Variants in TNFRSF1B observed in about 807,000 individuals in gnomAD.
The protein encoded by TNFRSF1B is TNF receptor superfamily member 1B.
In TNFRSF1B, 19 loss-of-function variants were observed where a neutral mutation model predicts 44.6. That is an observed-to-expected ratio of 0.43 (90% confidence interval 0.30 to 0.62). TNFRSF1B has a LOEUF of 0.62. Ranked by LOEUF, TNFRSF1B falls within the 20% of genes least tolerant of loss-of-function variation. TNFRSF1B has a pLI of 0.16. For synonymous variants in TNFRSF1B, 252 were observed against 261.1 expected (o/e 0.97, Z 0.34); for missense variants, 541 against 619.9 (o/e 0.87, Z 1.35).
At chr1:12,179,090 T>C (rs1243810266) in intron 1 of TNFRSF1B, among the ~76,000 whole-genome samples, 1 of 152,072 alleles carries the variant, frequency 6.6e-6, no homozygotes, top group Non-Finnish European at 1.5e-5. Context: ...GCAGGGACCA[T>C]GCCCGGCGTC....
In TNFRSF1B at chr1:12,180,302, TC is replaced by T. The variant is rs1386888389; in HGVS notation, c.79-8490del. 6.6e-6 allele frequency among the ~76,000 whole-genome samples: 1 copy of T among 151,978 alleles called. No individual in the cohort carries two copies. The highest frequency in any genetic ancestry group is 2.4e-5 in the African/African-American group (1 of 41,352). On this transcript the variant is annotated intron_variant, in intron 1 of 9. Coordinates refer to ENST00000376259, the MANE Select transcript of TNFRSF1B (RefSeq NM_001066.3). This position sits in a 1 kb window ranked among gnomAD's most constrained non-coding sequence, Gnocchi z 4.3. ...AAAAATAATAATAAAGCCATGAAGA[TC>T]CCCAAAGAAGGCTGTGCTAATGGCG...
Position 12,186,951 on chromosome 1 carries a change from C to G in TNFRSF1B, c.79-1845C>G, listed in dbSNP as rs5745993. On this transcript the variant is annotated intron_variant, in intron 1 of 9. Coordinates refer to ENST00000376259, the MANE Select transcript of TNFRSF1B (RefSeq NM_001066.3). This position sits in a 1 kb window ranked among gnomAD's most constrained non-coding sequence, Gnocchi z 4.8. ...TAATGCTTGTCCCTGAAAGCCCGGA[C>G]TGCCAACCCCAGTCTTTCAGGAGAG... Among the ~76,000 whole-genome samples, 17,954 of 152,198 alleles carry G rather than the reference C, an allele frequency of 0.12. 1,315 individuals carry two copies. Among genetic ancestry groups the G allele is most frequent in the South Asian group, 0.2 (977 of 4,820 alleles).
intron 5 of TNFRSF1B, 49 bp from the exon 6 acceptor site, chr1:12,192,814 A>G (rs1160501467): frequency 6.6e-7 from 1 of 1,521,782 alleles, no homozygotes; most frequent in Admixed American, 1.8e-5. Context: ...CAGCCACCCC[A>G]GCCACTCTGT....
chr1:12,185,695 A>G (rs1638970891), intron 1 of TNFRSF1B, among the ~76,000 whole-genome samples: 1 of 152,174 alleles, frequency 6.6e-6, no homozygotes. Flanking sequence ...GCCAGGGTGG[A>G]AAGTGCATCT....
chr1:12,200,233 G>A (rs147768069), intron 8 of TNFRSF1B, among the ~76,000 whole-genome samples: 12 of 152,160 alleles, frequency 7.9e-5, no homozygotes, highest in Non-Finnish European at 1.3e-4. Context: ...ACAGTGCATG[G>A]CATTGGGTGG....
Position 12,199,801 on chromosome 1 carries a change from C to T in TNFRSF1B, c.901-2166C>T, listed in dbSNP as rs1347726971. Among the ~76,000 whole-genome samples, 3 of 152,224 alleles carry T rather than the reference C, an allele frequency of 2.0e-5. No homozygotes were observed. Among genetic ancestry groups the T allele is most frequent in the Admixed American group, 6.5e-5 (1 of 15,274 alleles). On this transcript the variant is annotated intron_variant, in intron 8 of 9. Transcript: ENST00000376259. The surrounding 1 kb of genome is among the most constrained non-coding windows in gnomAD (Gnocchi z 4.0). ...CCATCAGCCCTTCACTCATCTCTAC[C>T]CTCCTTCTTTCTGCCTGGGACACTT...
chr1:12,176,212 C>T (rs947146872), intron 1 of TNFRSF1B, among the ~76,000 whole-genome samples: 4 of 152,144 alleles, frequency 2.6e-5, no homozygotes, highest in Non-Finnish European at 1.5e-5. Context: ...GAACGAGACC[C>T]TGTCTCAAAA....
At chr1:12,179,891 C>T (rs1638751484) in intron 1 of TNFRSF1B, among the ~76,000 whole-genome samples, 1 of 152,134 alleles carries the variant, frequency 6.6e-6, no homozygotes, top group East Asian at 1.9e-4. Flanking sequence ...TGAACGTGCC[C>T]AGCACTGTGC....
Position 12,178,444 on chromosome 1 carries a change from A to T in TNFRSF1B, c.79-10352A>T, listed in dbSNP as rs1351104850. Among the ~76,000 whole-genome samples the T allele has an allele frequency of 6.6e-6, 1 of 152,162 alleles. No homozygotes were observed. Among genetic ancestry groups the T allele is most frequent in the Non-Finnish European group, 1.5e-5 (1 of 68,032 alleles). On this transcript the variant is annotated intron_variant, in intron 1 of 9. Transcript: ENST00000376259. This position sits in a 1 kb window ranked among gnomAD's most constrained non-coding sequence, Gnocchi z 4.3. The stretch of plus-strand genomic sequence containing the variant: ...TAGATGATAAAGTGGAGGTGGGGGA[A>T]TGGCAGAACTGGGATCAAAGCCCAC...
In TNFRSF1B at chr1:12,207,140, C is replaced by A; in HGVS notation, c.*120C>A. 1 of 1,141,058 alleles carries A rather than the reference C, an allele frequency of 8.8e-7. No homozygotes were observed. Among genetic ancestry groups the A allele is most frequent in the Non-Finnish European group, 1.2e-6 (1 of 841,286 alleles). 70.7% of individuals were successfully genotyped at this position (1,141,058 alleles called of 1,614,324 possible). A position where few individuals can be genotyped will look rare whatever the true frequency, so the allele number is the denominator to read the frequency against. On this transcript the variant is annotated 3_prime_UTR_variant, in exon 10 of 10. Transcript: ENST00000376259. ...TAGGACTCTGAGGCTCTTTCTGGGC[C>A]AAGTTCCTCTAGTGCCCTCCACAGC...
At chr1:12,183,708 CTATT>C (rs1369886199) in intron 1 of TNFRSF1B, among the ~76,000 whole-genome samples, 2 of 115,434 alleles carry the variant, frequency 1.7e-5, no homozygotes, top group Non-Finnish European at 3.9e-5. Context: ...ATCTATCTAT[CTATT>C]CTATCTACCT....
rs549564583 is a variant in TNFRSF1B at position 12,192,931 on chromosome 1, G to A, written c.620G>A (p.Arg207Gln). The A allele has an allele frequency of 8.7e-6, 14 of 1,614,100 alleles. No individual in the cohort carries two copies. Among genetic ancestry groups the A allele is most frequent in the East Asian group, 6.7e-5 (3 of 44,872 alleles). Reference sequence around the variant, plus strand: ...GTCTGCACGTCCACGTCCCCCACCCGGAGTATGGCCCCAGGGGCAGTACAC... The same window carrying A: ...GTCTGCACGTCCACGTCCCCCACCCAGAGTATGGCCCCAGGGGCAGTACAC... Reference protein sequence around the residue: ...DAVCTSTSPTRSMAPGAVHLP... With the variant: ...DAVCTSTSPTQSMAPGAVHLP... Residue 207 changes from arginine to glutamine, a missense_variant, in exon 6 of 10, where the codon CGG becomes CAG. By Grantham distance (43) the Arg-to-Gln change is conservative. Coordinates refer to ENST00000376259, the MANE Select transcript of TNFRSF1B (RefSeq NM_001066.3).
chr1:12,194,094 T>G, intron 7 of TNFRSF1B, 62 bp downstream of exon 7: 1 of 1,379,922 alleles, frequency 7.2e-7, no homozygotes, highest in South Asian at 1.2e-5. Context: ...GGGTGCCTCC[T>G]GTGAGTCCAG....
chr1:12,168,083 C>T lies in TNFRSF1B; in HGVS notation c.78+914C>T, dbSNP rs1473995229. ...ATTTTTTAGAGAAGGAAAACTGAGG[C>T]TCAGAGAACTTGTATTTCATGGAAG... On this transcript the variant is annotated intron_variant, in intron 1 of 9. Coordinates refer to ENST00000376259, the MANE Select transcript of TNFRSF1B (RefSeq NM_001066.3). This position sits in a 1 kb window ranked among gnomAD's most constrained non-coding sequence, Gnocchi z 4.7. Among the ~76,000 whole-genome samples the T allele has an allele frequency of 1.3e-5, 2 of 152,226 alleles. No individual in the cohort carries two copies. The highest frequency in any genetic ancestry group is 2.4e-5 in the African/African-American group (1 of 41,450).
chr1:12,206,243 G>A (rs550845807), intron 9 of TNFRSF1B, among the ~76,000 whole-genome samples: 10 of 152,048 alleles, frequency 6.6e-5, no homozygotes, highest in South Asian at 2.1e-4. Flanking sequence ...AGCAGGGTGC[G>A]GTGGCCTGTA....
intron 3 of TNFRSF1B, chr1:12,191,566 C>A: frequency 1.6e-6 from 1 of 640,942 alleles, no homozygotes; most frequent in Non-Finnish European, 2.7e-6. Flanking sequence ...CGGAGAGTAG[C>A]GGGACTGCGG....
At position 12,168,669 on chromosome 1, in the gene TNFRSF1B, A is replaced by G. The variant is rs1638450756; in HGVS notation, c.78+1500A>G. ...CAGGCTGCAGTCCTGGAGTAGCTGGAGGAGGTTCCCTCCCACTTCCTTCCC... is the reference window on the plus strand; with the variant it reads ...CAGGCTGCAGTCCTGGAGTAGCTGGGGGAGGTTCCCTCCCACTTCCTTCCC... On this transcript the variant is annotated intron_variant, in intron 1 of 9. Coordinates refer to ENST00000376259, the MANE Select transcript of TNFRSF1B (RefSeq NM_001066.3). The surrounding 1 kb of genome is among the most constrained non-coding windows in gnomAD (Gnocchi z 4.7). 6.6e-6 allele frequency among the ~76,000 whole-genome samples: 1 copy of G among 152,080 alleles called. No homozygotes were observed. The highest frequency in any genetic ancestry group is 2.1e-4 in the South Asian group (1 of 4,826).
Position 12,208,310 on chromosome 1 carries a change from C to T in TNFRSF1B, c.*1290C>T, listed in dbSNP as rs1275081963. 6.5e-6 allele frequency: 1 copy of T among 152,814 alleles called. No individual in the cohort carries two copies. Among genetic ancestry groups the T allele is most frequent in the Admixed American group, 6.5e-5 (1 of 15,284 alleles). 9.5% of individuals were successfully genotyped at this position (152,814 alleles called of 1,614,324 possible). A position where few individuals can be genotyped will look rare whatever the true frequency, so the allele number is the denominator to read the frequency against. ...CTCAGCCTAGACCCTCCTCCTCCCC[C>T]AGAGGGGTGGGTTCCTCTTCCCCAC... On this transcript the variant is annotated 3_prime_UTR_variant, in exon 10 of 10. Coordinates refer to ENST00000376259, the MANE Select transcript of TNFRSF1B (RefSeq NM_001066.3).
chr1:12,199,162 C>T lies in TNFRSF1B; in HGVS notation c.901-2805C>T, dbSNP rs866952106. Reference sequence around the variant, plus strand: ...TGACCTTTGGGGGTTTTTGTTCTGCCTGGCTGTAGCCACCAGCAGAGGGGG... The same window carrying T: ...TGACCTTTGGGGGTTTTTGTTCTGCTTGGCTGTAGCCACCAGCAGAGGGGG... On this transcript the variant is annotated intron_variant, in intron 8 of 9. Transcript: ENST00000376259. This position sits in a 1 kb window ranked among gnomAD's most constrained non-coding sequence, Gnocchi z 4.0. Among the ~76,000 whole-genome samples the T allele has an allele frequency of 2.0e-5, 3 of 152,208 alleles. No individual in the cohort carries two copies. The highest frequency in any genetic ancestry group is 6.5e-5 in the Admixed American group (1 of 15,286).
Sources: allele counts gnomAD v4.1 joint callset (sites outside exome capture counted in the v4.1 genomes callset), GRCh38; gene constraint gnomAD v4.1.1; non-coding constraint Gnocchi (gnomAD v3.1); transcripts MANE v1.5; gene names NCBI Gene and HGNC (gene_info 2026-07-23, HGNC 2026-07-21).